ABCA8: variants seen among roughly 807,000 people sequenced by gnomAD.
The protein encoded by ABCA8 is ABC-type organic anion transporter ABCA8.
Under a neutral mutation model 192.3 loss-of-function variants are expected in ABCA8, and 177 were observed. The ratio of observed to expected loss-of-function variants is 0.92; its 90% CI spans 0.81 to 1.04. The LOEUF is 1.04. Ranked by LOEUF, ABCA8 falls within the 50% of genes least tolerant of loss-of-function variation. ABCA8 has a pLI of 0.00. For missense variants in ABCA8, 1,915 were observed against 1,904.8 expected (o/e 1.01, Z -0.10); for synonymous variants, 642 against 690.2 (o/e 0.93, Z 1.09).
rs1438356895 is a variant in ABCA8, at chr17:68,921,444, T to G, written c.1550A>C (p.His517Pro). Residue 517 changes from histidine (H) to proline (P), a missense_variant, in exon 13 of 40, where the codon CAC (histidine) becomes CCC (proline). Coordinates refer to ENST00000586539, the MANE Select transcript of ABCA8 (RefSeq NM_001288985.2). ...CAGTGTTGACTTTCCAGCTCCACTG[T>G]GACCAAGTATTGCAGTGATTTGGCC... ...YEGQITAILG[H>P]SGAGKSTLLN... The G allele has an allele frequency of 6.2e-7, 1 of 1,610,698 alleles. No homozygotes were observed. The highest frequency in any genetic ancestry group is 8.5e-7 in the Non-Finnish European group (1 of 1,177,880).
chr17:68,902,850 G>A lies in ABCA8; in HGVS notation c.2627C>T (p.Pro876Leu). The A allele has an allele frequency of 1.2e-6, 2 of 1,612,258 alleles. No individual in the cohort carries two copies. Among genetic ancestry groups the A allele is most frequent in the South Asian group, 1.1e-5 (1 of 90,642 alleles). ...LLLILMAGFCPLLVEYTMVKI... is the reference protein window; with the variant it reads ...LLLILMAGFCLLLVEYTMVKI... ...CACCATGGTATACTCCACAAGAAGA[G>A]GGCAAAATCCAGCCATTAGAATTAA... Residue 876 changes from proline to leucine, a missense_variant, in exon 21 of 40, where the codon CCT becomes CTT. Transcript: ENST00000586539.
At chr17:68,923,476 A>G (rs2067604202) in intron 11 of ABCA8, among the ~76,000 whole-genome samples, 1 of 152,166 alleles carries the variant, frequency 6.6e-6, no homozygotes, top group African/African-American at 2.4e-5. Context: ...TTGGGATTGC[A>G]GGTGTGAGCC....
At chr17:68,909,008 A>G (rs2067165527) in intron 17 of ABCA8, among the ~76,000 whole-genome samples, 1 of 152,224 alleles carries the variant, frequency 6.6e-6, no homozygotes, top group South Asian at 2.1e-4. Flanking sequence ...TTAAAAGAAT[A>G]TATGCTATTT....
intron 21 of ABCA8, among the ~76,000 whole-genome samples, chr17:68,900,985 CA>C (rs79585518): frequency 0.42 from 63,376 of 151,744 alleles, 13,859 homozygotes; most frequent in East Asian, 0.55. Context: ...AAAATCATCA[CA>C]AAAAAACATA....
chr17:68,913,151 G>A (rs1347050489), intron 17 of ABCA8, among the ~76,000 whole-genome samples: 2 of 152,056 alleles, frequency 1.3e-5, no homozygotes, highest in African/African-American at 2.4e-5. Context: ...AGAATGACCA[G>A]TGTGTCAAGG....
chr17:68,898,959 GAAGA>G (rs1228746247), intron 21 of ABCA8, among the ~76,000 whole-genome samples: 4 of 152,074 alleles, frequency 2.6e-5, no homozygotes. Flanking sequence ...GAAGCTGAGA[GAAGA>G]AAGGAGAGTA....
chr17:68,917,043 G>A (rs1366620521), intron 17 of ABCA8, among the ~76,000 whole-genome samples: 2 of 152,126 alleles, frequency 1.3e-5, no homozygotes, highest in Non-Finnish European at 2.9e-5. Context: ...GCCGAGGCGG[G>A]CGGATCACGA....
intron 31 of ABCA8, 36 bp downstream of exon 31, chr17:68,881,827 G>A: frequency 6.7e-7 from 1 of 1,497,298 alleles, no homozygotes; most frequent in Admixed American, 1.7e-5. Flanking sequence ...TCTGAGGAGG[G>A]CTCTGAGCCA....
chr17:68,879,867 G>T lies in ABCA8; in HGVS notation c.4038+1253C>A, dbSNP rs550412653. On this transcript the variant is annotated intron_variant, in intron 32 of 39. Transcript: ENST00000586539. Reference sequence around the variant, plus strand: ...CAAGTGTGGGAGGGAGTCCGGGGGGGTGCTGAGGGCAGCTCAGCATGGACT... The same window carrying T: ...CAAGTGTGGGAGGGAGTCCGGGGGGTTGCTGAGGGCAGCTCAGCATGGACT... The T allele has an allele frequency of 3.9e-5, 6 of 152,402 alleles. No homozygotes were observed. The East Asian group carries it at 5.8e-4, about 15-fold the overall frequency. 9.4% of individuals were successfully genotyped at this position (152,402 alleles called of 1,614,324 possible). A position where few individuals can be genotyped will look rare whatever the true frequency, so the allele number is the denominator to read the frequency against.
At chr17:68,941,022 C>G in intron 3 of ABCA8, 60 bp from the exon 4 acceptor site, 5 of 1,344,416 alleles carry the variant, frequency 3.7e-6, no homozygotes, top group Non-Finnish European at 5.2e-6. Flanking sequence ...CATCCACAAT[C>G]ATTTTGTCAT....
intron 37 of ABCA8, 103 bp from the exon 38 acceptor site, chr17:68,869,882 T>G (rs1213386923): frequency 1.3e-6 from 1 of 797,668 alleles, no homozygotes. Flanking sequence ...AAAATGGTGT[T>G]AGGAACATTT....
chr17:68,914,450 C>T (rs78819195), intron 17 of ABCA8, among the ~76,000 whole-genome samples: 1,737 of 152,164 alleles, frequency 0.011, 16 homozygotes, highest in Non-Finnish European at 0.02. Flanking sequence ...AGTAAAGTTG[C>T]AGGTTACAAA....
chr17:68,922,428 T>C, intron 11 of ABCA8, 128 bp from the exon 12 acceptor site: 18 of 620,918 alleles, frequency 2.9e-5, no homozygotes, highest in Non-Finnish European at 4.5e-5. Flanking sequence ...TCTCACACAG[T>C]CATAGCTGTG....
At chr17:68,934,288 C>A (rs1164654149) in intron 5 of ABCA8, among the ~76,000 whole-genome samples, 1 of 151,032 alleles carries the variant, frequency 6.6e-6, no homozygotes, top group African/African-American at 2.4e-5. Context: ...TTCCTTTTTT[C>A]TTTTTGTGAT....
intron 19 of ABCA8, among the ~76,000 whole-genome samples, chr17:68,904,032 C>G (rs949083566): frequency 2.0e-5 from 3 of 152,040 alleles, no homozygotes; most frequent in African/African-American, 7.3e-5. Context: ...CCTCAAAAAG[C>G]ACACACCCGT....
In ABCA8 at chr17:68,907,820, A is replaced by G; in HGVS notation, c.2198T>C (p.Ile733Thr). The G allele has an allele frequency of 2.5e-6, 4 of 1,610,480 alleles. No individual in the cohort carries two copies. The highest frequency in any genetic ancestry group is 1.1e-5 in the South Asian group (1 of 89,976). Residue 733 changes from isoleucine to threonine, a missense_variant, in exon 18 of 40, where the codon ATC becomes ACC. By Grantham distance (89) the Ile-to-Thr change is moderately conservative. Coordinates refer to ENST00000586539, the MANE Select transcript of ABCA8 (RefSeq NM_001288985.2). Reference sequence around the variant, plus strand: ...TTTGGCTGATAATTTGGCATCAGGGATGTGCTGTTTAACAAGTGATGTTAT... The same window carrying G: ...TTTGGCTGATAATTTGGCATCAGGGGTGTGCTGTTTAACAAGTGATGTTAT... ...ENITSLVKQH[I>T]PDAKLSAKSE... is the part of the protein sequence containing the mutation.
rs372083205 is a variant in ABCA8 at position 68,876,499 on chromosome 17, G to A, written c.4331C>T (p.Pro1444Leu). The A allele has an allele frequency of 2.9e-5, 47 of 1,613,952 alleles. 2 individuals are homozygous for A. In the East Asian group the frequency reaches 5.6e-4, roughly 19 times the overall value. Residue 1444 changes from proline (P) to leucine (L), a missense_variant, in exon 35 of 40, where the codon CCG becomes CTG. By Grantham distance (98) the Pro-to-Leu change is moderately conservative. Transcript: ENST00000586539. ...CCCCTCGGGGTCCATCCCGGTCGAC[G>A]GCTCATCCAGAAGCACCACTGACGG... Reference protein sequence around the residue: ...GNPSVVLLDEPSTGMDPEGQQ... With the variant: ...GNPSVVLLDELSTGMDPEGQQ...
At chr17:68,914,253 T>G (rs984258729) in intron 17 of ABCA8, among the ~76,000 whole-genome samples, 3 of 152,058 alleles carry the variant, frequency 2.0e-5, no homozygotes, top group Non-Finnish European at 4.4e-5. Context: ...GATGCCCACT[T>G]TCACCATTGT....
chr17:68,896,387 T>C (rs1448367724), intron 21 of ABCA8, among the ~76,000 whole-genome samples: 1 of 152,234 alleles, frequency 6.6e-6, no homozygotes, highest in African/African-American at 2.4e-5. Context: ...CCCTTATCCA[T>C]GGTTTCACTT....
Sources: allele counts gnomAD v4.1 joint callset (sites outside exome capture counted in the v4.1 genomes callset), GRCh38; gene constraint gnomAD v4.1.1; transcripts MANE v1.5; gene names NCBI Gene and HGNC (gene_info 2026-07-23, HGNC 2026-07-21).